ZNF804A: variants seen among roughly 807,000 people sequenced by gnomAD.
ZNF804A encodes zinc finger protein 804A.
A neutral mutation model predicts 16.5 loss-of-function variants in ZNF804A; 2 were observed. That is an observed-to-expected ratio of 0.12 (90% confidence interval 0.05 to 0.38). ZNF804A has a LOEUF of 0.38. Ranked by LOEUF, ZNF804A falls within the 10% of genes least tolerant of loss-of-function variation. The pLI is 0.99. For synonymous variants in ZNF804A, 534 were observed against 489.6 expected (o/e 1.09, Z -1.20); for missense variants, 1,473 against 1,390.7 (o/e 1.06, Z -0.94).
chr2:184,672,095 T>C (rs1173663013), intron 1 of ZNF804A, among the ~76,000 whole-genome samples: 1 of 152,172 alleles, frequency 6.6e-6, no homozygotes, highest in Non-Finnish European at 1.5e-5. Context: ...AGACACTGTT[T>C]GAAGGAGTGA....
Position 184,924,940 on chromosome 2 carries a change from A to G in ZNF804A, c.256-8663A>G, listed in dbSNP as rs142577928. 3.2e-3 allele frequency among the ~76,000 whole-genome samples: 484 copies of G among 151,796 alleles called. 2 individuals are homozygous for G. Among genetic ancestry groups the G allele is most frequent in the African/African-American group, 0.011 (463 of 41,424 alleles). Reference sequence around the variant, plus strand: ...TTTCAATTTTTTTTGATGTTTTAAGATTTGTTTTGTGATGTGACATATGGT... The same window carrying G: ...TTTCAATTTTTTTTGATGTTTTAAGGTTTGTTTTGTGATGTGACATATGGT... On this transcript the variant is annotated intron_variant, in intron 2 of 3. Coordinates refer to ENST00000302277, the MANE Select transcript of ZNF804A (RefSeq NM_194250.2).
intron 1 of ZNF804A, among the ~76,000 whole-genome samples, chr2:184,605,991 T>C (rs2105667951): frequency 6.6e-6 from 1 of 152,306 alleles, no homozygotes; most frequent in South Asian, 2.1e-4. Context: ...TTTAGCACCA[T>C]TGGAAGAAAG....
chr2:184,803,234 T>C (rs1327045696), intron 1 of ZNF804A, among the ~76,000 whole-genome samples: 2 of 152,166 alleles, frequency 1.3e-5, no homozygotes, highest in East Asian at 3.9e-4. Flanking sequence ...CTTCAGGAGT[T>C]AACTGCATGA....
chr2:184,821,328 TAATA>T (rs1695078249), intron 1 of ZNF804A, among the ~76,000 whole-genome samples: 1 of 152,090 alleles, frequency 6.6e-6, no homozygotes, highest in Non-Finnish European at 1.5e-5. Flanking sequence ...ATTTTCTATT[TAATA>T]AATGGTGCTG....
At chr2:184,822,307 G>A (rs1002294593) in intron 1 of ZNF804A, among the ~76,000 whole-genome samples, 6 of 152,168 alleles carry the variant, frequency 3.9e-5, no homozygotes, top group African/African-American at 1.4e-4. Flanking sequence ...ATTAATGCAG[G>A]AACAGAAAAC....
At chr2:184,831,903 T>C (rs1165977974) in intron 1 of ZNF804A, among the ~76,000 whole-genome samples, 1 of 152,052 alleles carries the variant, frequency 6.6e-6, no homozygotes, top group African/African-American at 2.4e-5. Flanking sequence ...TTTTTTGTTA[T>C]AGAAGTCAAA....
intron 1 of ZNF804A, among the ~76,000 whole-genome samples, chr2:184,722,061 G>C (rs1047183980): frequency 6.6e-6 from 1 of 151,974 alleles, no homozygotes; most frequent in African/African-American, 2.4e-5. Flanking sequence ...AGAGTGGAAT[G>C]ATAGACACTA....
At chr2:184,610,547 A>G (rs925875193) in intron 1 of ZNF804A, among the ~76,000 whole-genome samples, 1 of 152,112 alleles carries the variant, frequency 6.6e-6, no homozygotes. Flanking sequence ...AAAAGATGGA[A>G]TTATATGTAG....
chr2:184,755,231 G>C (rs1367048446), intron 1 of ZNF804A, among the ~76,000 whole-genome samples: 2 of 151,876 alleles, frequency 1.3e-5, no homozygotes, highest in Admixed American at 6.6e-5. Flanking sequence ...ATTCGTGAGC[G>C]TGTTTGATGG....
At chr2:184,765,612 C>CA (rs1341902417) in intron 1 of ZNF804A, among the ~76,000 whole-genome samples, 24 of 146,856 alleles carry the variant, frequency 1.6e-4, no homozygotes, top group African/African-American at 5.9e-4. Flanking sequence ...TGCACCCCCC[C>CA]CCCTTAGAGT....
chr2:184,844,926 CTCCT>C (rs753731972), intron 1 of ZNF804A, among the ~76,000 whole-genome samples: 1 of 151,608 alleles, frequency 6.6e-6, no homozygotes. Flanking sequence ...CCTTCATTTT[CTCCT>C]TCCTTCCTTC....
At chr2:184,917,594 C>G (rs1336623198) in intron 2 of ZNF804A, among the ~76,000 whole-genome samples, 1 of 151,790 alleles carries the variant, frequency 6.6e-6, no homozygotes, top group Non-Finnish European at 1.5e-5. Context: ...ACGTATATTA[C>G]AGTATATTGT....
At chr2:184,765,014 A>G (rs910720684) in intron 1 of ZNF804A, among the ~76,000 whole-genome samples, 1 of 152,212 alleles carries the variant, frequency 6.6e-6, no homozygotes, top group African/African-American at 2.4e-5. Flanking sequence ...ATGTCTGTGA[A>G]TTCAATTTTA....
At chr2:184,850,088 G>A (rs1427951358) in intron 1 of ZNF804A, among the ~76,000 whole-genome samples, 1 of 151,692 alleles carries the variant, frequency 6.6e-6, no homozygotes, top group Non-Finnish European at 1.5e-5. Flanking sequence ...AGGGAGTGGG[G>A]GTAAAAAGTG....
intron 2 of ZNF804A, among the ~76,000 whole-genome samples, chr2:184,888,087 A>G (rs567415461): frequency 5.9e-5 from 9 of 152,304 alleles, no homozygotes; most frequent in African/African-American, 1.7e-4. Flanking sequence ...CAATTTACCT[A>G]TATTACAGAA....
chr2:184,754,153 A>G (rs1693918996), intron 1 of ZNF804A, among the ~76,000 whole-genome samples: 1 of 151,798 alleles, frequency 6.6e-6, no homozygotes, highest in Non-Finnish European at 1.5e-5. Flanking sequence ...TTCTGTCCTC[A>G]GGATATGTCC....
intron 1 of ZNF804A, among the ~76,000 whole-genome samples, chr2:184,735,384 T>C (rs552897216): frequency 4.3e-4 from 66 of 151,794 alleles, no homozygotes; most frequent in Non-Finnish European, 7.7e-4. Context: ...TAAGTGGGAG[T>C]TGAACAATGA....
At chr2:184,895,855 A>T (rs958680560) in intron 2 of ZNF804A, among the ~76,000 whole-genome samples, 3 of 152,172 alleles carry the variant, frequency 2.0e-5, no homozygotes, top group Non-Finnish European at 2.9e-5. Context: ...CACAAAATGT[A>T]TTGTTTTTGC....
intron 2 of ZNF804A, among the ~76,000 whole-genome samples, chr2:184,901,815 TTAGA>T (rs1458902614): frequency 1.7e-4 from 26 of 152,160 alleles, no homozygotes; most frequent in Middle Eastern, 3.4e-3. Flanking sequence ...TTAGAAATTG[TTAGA>T]TAATAATAAT....
Sources: allele counts gnomAD v4.1 joint callset (sites outside exome capture counted in the v4.1 genomes callset), GRCh38; gene constraint gnomAD v4.1.1; transcripts MANE v1.5; gene names NCBI Gene and HGNC (gene_info 2026-07-23, HGNC 2026-07-21).